The following ARHGAP32 variants were observed in gnomAD, a reference collection of about 807,000 sequenced individuals.
The protein encoded by ARHGAP32 is Rho GTPase activating protein 32, also known as rho GTPase-activating protein 32.
A neutral mutation model predicts 186.5 loss-of-function variants in ARHGAP32; 51 were observed. That is an observed-to-expected ratio of 0.27 (90% CI 0.22 to 0.35). The LOEUF is 0.35. Ranked by LOEUF, ARHGAP32 falls within the 10% of genes least tolerant of loss-of-function variation. The probability of loss-of-function intolerance (pLI) is 1.00; values close to 1 mark genes in which losing one functional copy is unlikely to be tolerated. For missense variants in ARHGAP32, 2,186 were observed against 2,623.5 expected (o/e 0.83, Z 3.64); for synonymous variants, 950 against 964.3 (o/e 0.99, Z 0.27).
At chr11:129,213,741 AC>A (rs2135595813) in intron 1 of ARHGAP32, among the ~76,000 whole-genome samples, 1 of 152,250 alleles carries the variant, frequency 6.6e-6, no homozygotes, top group African/African-American at 2.4e-5. Context: ...CCATTTTAAA[AC>A]ACTTCAAATA....
intron 2 of ARHGAP32, among the ~76,000 whole-genome samples, chr11:129,135,082 G>A (rs1417759374): frequency 1.3e-5 from 2 of 152,160 alleles, no homozygotes; most frequent in African/African-American, 4.8e-5. Flanking sequence ...ACATGCACAT[G>A]TGCCTCATTT....
At chr11:129,092,232 T>C (rs1031520567) in intron 6 of ARHGAP32, among the ~76,000 whole-genome samples, 2 of 149,954 alleles carry the variant, frequency 1.3e-5, no homozygotes, top group South Asian at 2.1e-4. Flanking sequence ...ACAGCACAGA[T>C]TTTTTTTTAT....
Position 129,156,584 on chromosome 11 carries a change from C to T in ARHGAP32, c.225+7735G>A, listed in dbSNP as rs73581252. On this transcript the variant is annotated intron_variant, in intron 2 of 22. Coordinates refer to ENST00000682385, the MANE Select transcript of ARHGAP32 (RefSeq NM_001378024.1). ...GAAAGGCAGCAGCCCCAGTCAGGGG[C>T]TTGTAGATGAAACTCCCATCTCCCT... Among the ~76,000 whole-genome samples, 1,348 of 152,276 alleles carry T rather than the reference C, an allele frequency of 8.9e-3. 22 individuals carry two copies. Among genetic ancestry groups the T allele is most frequent in the African/African-American group, 0.03 (1,265 of 41,566 alleles).
chr11:129,257,316 G>A (rs983090477), intron 1 of ARHGAP32, among the ~76,000 whole-genome samples: 12 of 152,010 alleles, frequency 7.9e-5, no homozygotes, highest in Non-Finnish European at 1.6e-4. Context: ...TACAAGTCTG[G>A]GAACTATTTT....
At chr11:129,099,496 T>C (rs1941829468) in intron 5 of ARHGAP32, among the ~76,000 whole-genome samples, 1 of 152,102 alleles carries the variant, frequency 6.6e-6, no homozygotes, top group African/African-American at 2.4e-5. Context: ...AATATATCCC[T>C]CTGAAAATAA....
chr11:129,037,877 C>T (rs758429526), intron 11 of ARHGAP32, among the ~76,000 whole-genome samples: 5 of 151,652 alleles, frequency 3.3e-5, no homozygotes, highest in South Asian at 2.1e-4. Context: ...CCGAGGTGGG[C>T]GGATCACGAT....
chr11:129,169,794 C>T (rs1009013991), intron 1 of ARHGAP32, among the ~76,000 whole-genome samples: 9 of 151,984 alleles, frequency 5.9e-5, no homozygotes, highest in Non-Finnish European at 2.9e-5. Context: ...AGCTATTAAA[C>T]AAAATTAATC....
At chr11:129,100,460 A>C (rs1337060955) in intron 5 of ARHGAP32, among the ~76,000 whole-genome samples, 5 of 152,174 alleles carry the variant, frequency 3.3e-5, no homozygotes, top group African/African-American at 9.7e-5. Flanking sequence ...ACCATGCATC[A>C]GCCCAGACTC....
chr11:129,114,689 C>G (rs1288807140), intron 5 of ARHGAP32, among the ~76,000 whole-genome samples: 3 of 152,094 alleles, frequency 2.0e-5, no homozygotes, highest in African/African-American at 7.2e-5. Flanking sequence ...ATTTTCACTT[C>G]TCAATTTAAT....
intron 5 of ARHGAP32, among the ~76,000 whole-genome samples, chr11:129,107,965 T>C (rs891048129): frequency 6.6e-6 from 1 of 151,920 alleles, no homozygotes; most frequent in East Asian, 1.9e-4. Flanking sequence ...TAAGATGTTC[T>C]ATGTAATCAC....
At chr11:129,034,851 TAAA>T (rs35010486) in intron 11 of ARHGAP32, among the ~76,000 whole-genome samples, 2 of 137,228 alleles carry the variant, frequency 1.5e-5, no homozygotes, top group Non-Finnish European at 1.6e-5. Context: ...GAAAACAGAG[TAAA>T]AAAAAAAAAA....
intron 1 of ARHGAP32, among the ~76,000 whole-genome samples, chr11:129,217,854 C>T (rs998611791): frequency 3.0e-4 from 45 of 152,098 alleles, no homozygotes; most frequent in Non-Finnish European, 6.0e-4. Context: ...GAGTTTAAAC[C>T]TAAGTTCAAA....
upstream of ARHGAP32, among the ~76,000 whole-genome samples, chr11:129,192,595 G>T (rs1944291200): frequency 6.6e-6 from 1 of 152,070 alleles, no homozygotes; most frequent in Non-Finnish European, 1.5e-5. Context: ...ACTCCAGAAA[G>T]GTAAATAGAA....
At chr11:129,154,711 T>C (rs139319049) in intron 2 of ARHGAP32, among the ~76,000 whole-genome samples, 29 of 152,198 alleles carry the variant, frequency 1.9e-4, no homozygotes, top group African/African-American at 5.1e-4. Context: ...ACTGATATAA[T>C]GGACTTTGGC....
intron 6 of ARHGAP32, among the ~76,000 whole-genome samples, chr11:129,093,295 A>G (rs1262366142): frequency 6.6e-6 from 1 of 152,084 alleles, no homozygotes; most frequent in Non-Finnish European, 1.5e-5. Flanking sequence ...GAAACAAAAA[A>G]TCTTGATTAC....
At chr11:128,991,085 A>C (rs1946034203) in intron 12 of ARHGAP32, among the ~76,000 whole-genome samples, 1 of 152,124 alleles carries the variant, frequency 6.6e-6, no homozygotes, top group Non-Finnish European at 1.5e-5. Context: ...AGTATCGGTA[A>C]TTTTCATTGG....
intron 1 of ARHGAP32, among the ~76,000 whole-genome samples, chr11:129,181,254 G>T (rs1206506658): frequency 1.3e-5 from 2 of 152,076 alleles, no homozygotes; most frequent in African/African-American, 2.4e-5. Flanking sequence ...TCCATTTTAT[G>T]GTCAGACCAT....
At chr11:129,034,240 T>C (rs1302413499) in intron 11 of ARHGAP32, among the ~76,000 whole-genome samples, 1 of 152,170 alleles carries the variant, frequency 6.6e-6, no homozygotes, top group Non-Finnish European at 1.5e-5. Context: ...AATGTCTCCA[T>C]ATGCAGGGGT....
At chr11:129,207,345 A>C (rs1944526870) in intron 1 of ARHGAP32, among the ~76,000 whole-genome samples, 1 of 151,900 alleles carries the variant, frequency 6.6e-6, no homozygotes, top group Non-Finnish European at 1.5e-5. Flanking sequence ...ACTAAATTAT[A>C]CTCCCACCAA....
Sources: allele counts gnomAD v4.1 joint callset (sites outside exome capture counted in the v4.1 genomes callset), GRCh38; gene constraint gnomAD v4.1.1; transcripts MANE v1.5; gene names NCBI Gene and HGNC (gene_info 2026-07-23, HGNC 2026-07-21).